The following CEP128 variants were observed in gnomAD, a reference collection of about 807,000 sequenced individuals.
The protein encoded by CEP128 is centrosomal protein 128kDa.
In CEP128, 132 loss-of-function variants were observed where a neutral mutation model predicts 156.7. The observed-to-expected ratio is 0.84, with a 90% CI of 0.73 to 0.97. The LOEUF (loss-of-function observed/expected upper bound fraction) is 0.97, where lower values mean the gene tolerates loss of function less well. CEP128 is among the 50% of genes least tolerant of loss of function. The probability of loss-of-function intolerance (pLI) is 0.00; values close to 1 mark genes in which losing one functional copy is unlikely to be tolerated. For missense variants in CEP128, 1,252 were observed against 1,281.9 expected (o/e 0.98, Z 0.36); for synonymous variants, 469 against 448.9 (o/e 1.04, Z -0.57).
chr14:80,783,845 T>C (rs1161989665), intron 15 of CEP128, among the ~76,000 whole-genome samples: 3 of 152,224 alleles, frequency 2.0e-5, no homozygotes, highest in Admixed American at 1.3e-4. Context: ...GTGTCTTAGG[T>C]TTAATGAAAT....
chr14:80,641,496 T>C (rs201352696), intron 19 of CEP128, among the ~76,000 whole-genome samples: 2 of 152,202 alleles, frequency 1.3e-5, no homozygotes, highest in East Asian at 3.9e-4. Context: ...CTGTGCCCTA[T>C]CAAAGGTGCA....
intron 19 of CEP128, among the ~76,000 whole-genome samples, chr14:80,677,041 T>C (rs905295431): frequency 6.6e-6 from 1 of 152,208 alleles, no homozygotes; most frequent in Non-Finnish European, 1.5e-5. Context: ...GAAAAAGCAT[T>C]ACATCTAATG....
rs373994294 is a variant in CEP128, at chr14:80,756,912, G to A, written c.2593C>T (p.Arg865Cys). ...ATTACCTTGCTTTCTGCTAACCAGC[G>A]ATGTGGGTCATAATGTATATCAGGA... ...SGPDIHYDPH[R>C]WLAESKTKLQ... The change falls in exon 18 of 25, where the codon CGC becomes TGC. Residue 865 changes from arginine (R) to cysteine (C), a missense_variant. Arg to Cys is a radical substitution (Grantham distance 180). Transcript: ENST00000555265. 2.0e-5 allele frequency: 32 copies of A among 1,599,214 alleles called. No homozygotes were observed. The highest frequency in any genetic ancestry group is 8.4e-5 in the Admixed American group (5 of 59,326).
chr14:80,699,167 T>C (rs1161430040), intron 19 of CEP128, among the ~76,000 whole-genome samples: 1 of 152,204 alleles, frequency 6.6e-6, no homozygotes, highest in African/African-American at 2.4e-5. Flanking sequence ...GCCTTAGGGA[T>C]ACGTCAGCCT....
At chr14:80,528,147 T>TA (rs1889064137) in intron 22 of CEP128, among the ~76,000 whole-genome samples, 1 of 152,106 alleles carries the variant, frequency 6.6e-6, no homozygotes, top group Admixed American at 6.5e-5. Context: ...CAAAAACCTC[T>TA]AAAAAACTAG....
At chr14:80,583,087 T>C in intron 19 of CEP128, among the ~76,000 whole-genome samples, 1 of 151,944 alleles carries the variant, frequency 6.6e-6, no homozygotes, top group Non-Finnish European at 1.5e-5. Flanking sequence ...AGGAAAGAAG[T>C]CCAGTCTACT....
chr14:80,706,152 C>A (rs151132173), intron 19 of CEP128, among the ~76,000 whole-genome samples: 1 of 151,902 alleles, frequency 6.6e-6, no homozygotes, highest in Non-Finnish European at 1.5e-5. Flanking sequence ...CCTCATCAAC[C>A]CTTTGGTTAC....
intron 19 of CEP128, among the ~76,000 whole-genome samples, chr14:80,610,080 C>T (rs1595084635): frequency 6.6e-6 from 1 of 152,118 alleles, no homozygotes; most frequent in Admixed American, 6.6e-5. Flanking sequence ...ACGTTATATA[C>T]CCATTTTTAA....
intron 16 of CEP128, among the ~76,000 whole-genome samples, chr14:80,777,287 G>A (rs1241677099): frequency 6.6e-6 from 1 of 152,104 alleles, no homozygotes; most frequent in Non-Finnish European, 1.5e-5. Flanking sequence ...TAGGATTAAT[G>A]CCCTTATAAA....
At chr14:80,959,490 G>A (rs1594889511), upstream of CEP128, 1 of 152,154 alleles carries the variant, frequency 6.6e-6, no homozygotes, top group Non-Finnish European at 1.5e-5. Flanking sequence ...CTCTGAATAA[G>A]GAGGTAGAAA....
intron 19 of CEP128, among the ~76,000 whole-genome samples, chr14:80,619,967 A>G (rs1196018045): frequency 2.0e-5 from 3 of 152,018 alleles, no homozygotes; most frequent in Non-Finnish European, 4.4e-5. Flanking sequence ...TCTGCTAAAA[A>G]TACAAAAATT....
chr14:80,781,808 C>A (rs184073394), intron 15 of CEP128, among the ~76,000 whole-genome samples: 27 of 152,278 alleles, frequency 1.8e-4, no homozygotes, highest in Non-Finnish European at 8.8e-5. Flanking sequence ...CTATTTCTCA[C>A]TGAAGAATGC....
At chr14:80,761,847 T>C (rs1318308953) in intron 16 of CEP128, among the ~76,000 whole-genome samples, 1 of 152,010 alleles carries the variant, frequency 6.6e-6, no homozygotes, top group Non-Finnish European at 1.5e-5. Flanking sequence ...GCAAACAAAA[T>C]TATAATAAGT....
At chr14:80,798,570 C>G (rs565145426) in intron 13 of CEP128, among the ~76,000 whole-genome samples, 29 of 152,266 alleles carry the variant, frequency 1.9e-4, no homozygotes, top group Admixed American at 5.2e-4. Context: ...CTCTCAGTAA[C>G]CAGGTGGTCA....
chr14:80,518,618 T>C (rs1411527721), intron 23 of CEP128, among the ~76,000 whole-genome samples: 1 of 152,210 alleles, frequency 6.6e-6, no homozygotes, highest in African/African-American at 2.4e-5. Context: ...TACAATTCTA[T>C]CAGTTTTTTC....
intron 20 of CEP128, among the ~76,000 whole-genome samples, chr14:80,563,887 TA>T (rs1890801588): frequency 6.6e-6 from 1 of 152,108 alleles, no homozygotes; most frequent in African/African-American, 2.4e-5. Flanking sequence ...AAGAATATCA[TA>T]AAAATAAATT....
chr14:80,483,702 T>C lies in CEP128; in HGVS notation c.*311-5295A>G, dbSNP rs539471658. Among the ~76,000 whole-genome samples, 8 of 152,352 alleles carry C rather than the reference T, an allele frequency of 5.3e-5. No homozygotes were observed. In the South Asian group the frequency reaches 1.4e-3, roughly 28 times the overall value. ...TAGTAAATGTATTTTGAACACTTAT[T>C]GTATGTCAGCCACAGTACTAGGCAA... is the stretch of plus-strand genomic sequence containing the variant. On this transcript the variant is annotated intron_variant and NMD_transcript_variant, in intron 14 of 14. Transcript: ENST00000554502.
intron 8 of CEP128, among the ~76,000 whole-genome samples, chr14:80,884,650 T>C (rs548980297): frequency 4.6e-5 from 7 of 152,064 alleles, no homozygotes; most frequent in African/African-American, 1.4e-4. Context: ...TTTCCCATGG[T>C]TTTTGCAGCC....
At chr14:80,657,129 G>A (rs1044187118) in intron 19 of CEP128, among the ~76,000 whole-genome samples, 1 of 152,000 alleles carries the variant, frequency 6.6e-6, no homozygotes, top group Non-Finnish European at 1.5e-5. Context: ...ATGGTGGTGG[G>A]TGCCTGTAAT....
Sources: allele counts gnomAD v4.1 joint callset (sites outside exome capture counted in the v4.1 genomes callset), GRCh38; gene constraint gnomAD v4.1.1; transcripts MANE v1.5; gene names NCBI Gene and HGNC (gene_info 2026-07-23, HGNC 2026-07-21).